The following NOL10 variants were observed in gnomAD, a reference collection of about 807,000 sequenced individuals.
NOL10 encodes nucleolar protein 10.
Under a neutral mutation model 103.5 loss-of-function variants are expected in NOL10, and 58 were observed. The ratio of observed to expected loss-of-function variants is 0.56; its 90% CI spans 0.45 to 0.70. NOL10 has a LOEUF of 0.70. Ranked by LOEUF, NOL10 falls within the 30% of genes least tolerant of loss-of-function variation. The probability of loss-of-function intolerance (pLI) is 0.00; values close to 1 mark genes in which losing one functional copy is unlikely to be tolerated. For missense variants in NOL10, 763 were observed against 807.3 expected (o/e 0.95, Z 0.67); for synonymous variants, 287 against 282.5 (o/e 1.02, Z -0.16).
chr2:10,620,261 T>TAAAAC (rs1429052604), intron 13 of NOL10, among the ~76,000 whole-genome samples: 2 of 152,186 alleles, frequency 1.3e-5, no homozygotes, highest in African/African-American at 4.8e-5. Flanking sequence ...AATTCTTAAT[T>TAAAAC]TTGAAATCTA....
At chr2:10,637,471 C>A (rs1467554757) in intron 13 of NOL10, among the ~76,000 whole-genome samples, 1 of 152,192 alleles carries the variant, frequency 6.6e-6, no homozygotes, top group Non-Finnish European at 1.5e-5. Flanking sequence ...TGCAGGAGCA[C>A]AGATGTCTGC....
intron 1 of NOL10, among the ~76,000 whole-genome samples, chr2:10,685,428 G>A (rs938836253): frequency 4.0e-5 from 6 of 149,682 alleles, no homozygotes; most frequent in African/African-American, 1.2e-4. Context: ...GGGAGGCGGA[G>A]GTTGCAGGGA....
At chr2:10,644,470 A>C in intron 12 of NOL10, 98 bp from the exon 13 acceptor site, 2 of 790,976 alleles carry the variant, frequency 2.5e-6, no homozygotes, top group Non-Finnish European at 3.9e-6. Context: ...AACTTCTGTT[A>C]GTCAGTGAAC....
chr2:10,574,304 A>C (rs541896830), intron 20 of NOL10, among the ~76,000 whole-genome samples: 1 of 151,282 alleles, frequency 6.6e-6, no homozygotes, highest in African/African-American at 2.4e-5. Flanking sequence ...AACACCAGTT[A>C]CTCAATATTT....
intron 13 of NOL10, among the ~76,000 whole-genome samples, chr2:10,629,827 C>G (rs1677720579): frequency 6.6e-6 from 1 of 152,204 alleles, no homozygotes; most frequent in Non-Finnish European, 1.5e-5. Flanking sequence ...TTATTTTGCT[C>G]AACATGATAT....
chr2:10,636,613 G>GA (rs56763235), intron 13 of NOL10, among the ~76,000 whole-genome samples: 32 of 144,256 alleles, frequency 2.2e-4, no homozygotes, highest in African/African-American at 2.8e-4. Flanking sequence ...TTCAATCAAA[G>GA]AAAAAAAAAA....
At chr2:10,589,472 T>C in intron 18 of NOL10, 106 bp downstream of exon 18, 2 of 1,203,458 alleles carry the variant, frequency 1.7e-6, no homozygotes, top group Non-Finnish European at 2.3e-6. Context: ...ACACTTAATA[T>C]GGAATTAATT....
rs1027456985 is a variant in NOL10, at chr2:10,592,798, A to G, written c.1423-3047T>C. On this transcript the variant is annotated intron_variant, in intron 17 of 20. Transcript: ENST00000381685. ...TTTGGATGAACAACTATAAAATAAA[A>G]CCTCTTCTGACCCAGCTTGTAAAAA... Among the ~76,000 whole-genome samples the G allele has an allele frequency of 5.3e-5, 8 of 152,146 alleles. 1 individual carries two copies. The East Asian group carries it at 1.4e-3, about 26-fold the overall frequency.
chr2:10,688,605 A>T (rs1682383575), intron 1 of NOL10, among the ~76,000 whole-genome samples: 1 of 152,244 alleles, frequency 6.6e-6, no homozygotes, highest in South Asian at 2.1e-4. Flanking sequence ...TCAATATTTT[A>T]TCCAAAACAG....
At chr2:10,584,946 G>T (rs1436973972) in intron 19 of NOL10, among the ~76,000 whole-genome samples, 1 of 152,150 alleles carries the variant, frequency 6.6e-6, no homozygotes. Context: ...AAGGAAGAAT[G>T]TTAGAGAGAT....
At chr2:10,609,061 T>G (rs978968816) in intron 13 of NOL10, among the ~76,000 whole-genome samples, 2 of 151,884 alleles carry the variant, frequency 1.3e-5, no homozygotes, top group South Asian at 2.1e-4. Context: ...TAGCTTGAAG[T>G]CAACAACTAA....
chr2:10,572,190 A>C lies in NOL10; in HGVS notation c.1948T>G (p.Ser650Ala). The C allele has an allele frequency of 6.2e-7, 1 of 1,613,764 alleles. No individual in the cohort carries two copies. Among genetic ancestry groups the C allele is most frequent in the Non-Finnish European group, 8.5e-7 (1 of 1,179,858 alleles). ...TCCTGTTGCTTCTTCTGCTGTTCAG[A>C]CTAAAAGAGAAAATGAAATGAGTAG... ...SKQLTFTLKR[S>A]EQQKKQQEAE... The change falls in exon 21 of 21, where the codon TCT (serine) becomes GCT (alanine). Residue 650 changes from serine to alanine, a missense_variant and splice_region_variant. Coordinates refer to ENST00000381685, the MANE Select transcript of NOL10 (RefSeq NM_024894.4).
Position 10,641,678 on chromosome 2 carries a change from G to T in NOL10, c.1026+2642C>A, listed in dbSNP as rs1162881095. On this transcript the variant is annotated intron_variant, in intron 13 of 20. Transcript: ENST00000381685. ...GCACATTTGCCCAAGCAAAAACCGG[G>T]GTGTCATCCTTGGTCCTTTCCTATT... 2.6e-5 allele frequency among the ~76,000 whole-genome samples: 4 copies of T among 152,226 alleles called. No homozygotes were observed. In the East Asian group the frequency reaches 7.7e-4, roughly 29 times the overall value.
chr2:10,608,844 A>T (rs2110778), intron 13 of NOL10, among the ~76,000 whole-genome samples: 89,959 of 152,008 alleles, frequency 0.59, 27,634 homozygotes, highest in African/African-American at 0.74. Flanking sequence ...AACATGAAAA[A>T]AACTCGAGCA....
chr2:10,685,585 A>G (rs941024541), intron 1 of NOL10, among the ~76,000 whole-genome samples: 13 of 151,352 alleles, frequency 8.6e-5, no homozygotes, highest in African/African-American at 2.4e-4. Flanking sequence ...AAAATACAAC[A>G]AAAGCTGATT....
At chr2:10,626,818 C>T (rs1677500403) in intron 13 of NOL10, among the ~76,000 whole-genome samples, 1 of 152,184 alleles carries the variant, frequency 6.6e-6, no homozygotes, top group Non-Finnish European at 1.5e-5. Flanking sequence ...TAAGCAAAAA[C>T]AAACATCATC....
intron 13 of NOL10, among the ~76,000 whole-genome samples, chr2:10,638,483 CTTTTT>C (rs869294782): frequency 0.014 from 1,076 of 77,692 alleles, 5 homozygotes; most frequent in Non-Finnish European, 0.017. Flanking sequence ...GCTGAATTCC[CTTTTT>C]TTTTTTTTTT....
Position 10,644,349 on chromosome 2 carries a change from T to C in NOL10, c.997A>G (p.Thr333Ala), listed in dbSNP as rs1399121577. ...NSGMLLTANE[T>A]PKMGIYYIPV... ...ATGTAATAGATGCCCATCTTGGGGG[T>C]TTCATTGGCCGTCAGAAGCATGCCT... The change falls in exon 13 of 21, where the codon ACC becomes GCC. Residue 333 changes from threonine (T) to alanine (A), a missense_variant. Physicochemically the swap from Thr to Ala is moderately conservative, Grantham distance 58 (BLOSUM62 0). Transcript: ENST00000381685. The C allele has an allele frequency of 6.5e-6, 10 of 1,539,868 alleles. No individual in the cohort carries two copies. The highest frequency in any genetic ancestry group is 8.7e-6 in the Non-Finnish European group (10 of 1,143,422).
intron 17 of NOL10, among the ~76,000 whole-genome samples, chr2:10,592,461 T>A (rs1213462440): frequency 6.6e-6 from 1 of 152,156 alleles, no homozygotes; most frequent in Non-Finnish European, 1.5e-5. Context: ...CACCACTAGG[T>A]GTCTGGGAAC....
Sources: allele counts gnomAD v4.1 joint callset (sites outside exome capture counted in the v4.1 genomes callset), GRCh38; gene constraint gnomAD v4.1.1; transcripts MANE v1.5; gene names NCBI Gene and HGNC (gene_info 2026-07-23, HGNC 2026-07-21).